SLC1A2: variants seen among roughly 807,000 people sequenced by gnomAD.
SLC1A2 encodes the protein excitatory amino acid transporter 2.
Under a neutral mutation model 48.8 loss-of-function variants are expected in SLC1A2, and 15 were observed. That is an observed-to-expected ratio of 0.31 (90% CI 0.21 to 0.47). The LOEUF (loss-of-function observed/expected upper bound fraction) is 0.47. Among genes scored for constraint, SLC1A2 ranks in the 20% least tolerant of loss-of-function variants. The probability of loss-of-function intolerance (pLI) is 0.99; values close to 1 mark genes in which losing one functional copy is unlikely to be tolerated. For synonymous variants in SLC1A2, 279 were observed against 272.6 expected (o/e 1.02, Z -0.23); for missense variants, 502 against 730.5 (o/e 0.69, Z 3.61).
chr11:35,363,278 C>T (rs1853740515), intron 1 of SLC1A2, among the ~76,000 whole-genome samples: 1 of 152,106 alleles, frequency 6.6e-6, no homozygotes, highest in Admixed American at 6.6e-5. Context: ...CCCCAGATGA[C>T]AATTTTGGGG....
intron 1 of SLC1A2, chr11:35,322,915 C>T: frequency 1.6e-6 from 1 of 614,524 alleles, no homozygotes; most frequent in South Asian, 1.9e-5. Flanking sequence ...TTCCAACAGC[C>T]TGCAAATCCC....
intron 5 of SLC1A2, among the ~76,000 whole-genome samples, chr11:35,303,313 A>G (rs1267552869): frequency 5.3e-5 from 8 of 152,168 alleles, no homozygotes; most frequent in South Asian, 2.1e-4. Flanking sequence ...AAAAGAATCC[A>G]TCACTTGCAC....
intron 1 of SLC1A2, among the ~76,000 whole-genome samples, chr11:35,365,087 G>A (rs536139035): frequency 2.4e-4 from 37 of 152,230 alleles, no homozygotes; most frequent in Non-Finnish European, 5.0e-4. Flanking sequence ...GAGATGTTAA[G>A]TGACAAATCC....
chr11:35,268,369 T>C (rs906191952), intron 9 of SLC1A2, among the ~76,000 whole-genome samples: 6 of 152,196 alleles, frequency 3.9e-5, no homozygotes, highest in Non-Finnish European at 5.9e-5. Flanking sequence ...ATATCACACT[T>C]ACTATGTATA....
At chr11:35,346,983 T>C (rs995717460) in intron 1 of SLC1A2, among the ~76,000 whole-genome samples, 1 of 152,192 alleles carries the variant, frequency 6.6e-6, no homozygotes, top group Non-Finnish European at 1.5e-5. Flanking sequence ...ATGGTGGAAG[T>C]GCTTCAGTGC....
intron 1 of SLC1A2, among the ~76,000 whole-genome samples, chr11:35,355,746 A>T (rs1292912579): frequency 6.6e-6 from 1 of 152,154 alleles, no homozygotes; most frequent in Non-Finnish European, 1.5e-5. Flanking sequence ...TTAGCTGGGC[A>T]TAGTGGCATG....
intron 1 of SLC1A2, among the ~76,000 whole-genome samples, chr11:35,375,507 G>A (rs549268196): frequency 1.3e-5 from 2 of 152,114 alleles, no homozygotes; most frequent in East Asian, 3.9e-4. Flanking sequence ...CAGGTTGCAG[G>A]ATGTGGGTGG....
intron 1 of SLC1A2, among the ~76,000 whole-genome samples, chr11:35,390,021 C>G (rs1055581910): frequency 2.0e-5 from 3 of 152,196 alleles, no homozygotes; most frequent in African/African-American, 7.2e-5. Context: ...AAGTTTGAAA[C>G]TTTGATTTGT....
intron 1 of SLC1A2, among the ~76,000 whole-genome samples, chr11:35,334,341 A>G (rs114987935): frequency 0.056 from 8,514 of 152,282 alleles, 356 homozygotes; most frequent in African/African-American, 0.12. Context: ...ATCATTGTAC[A>G]GATGGGAGCT....
chr11:35,303,794 G>A (rs1651364419), intron 5 of SLC1A2, among the ~76,000 whole-genome samples: 1 of 131,678 alleles, frequency 7.6e-6, no homozygotes, highest in Non-Finnish European at 1.7e-5. Context: ...AGGTTTTTTA[G>A]GAGAGAAATG....
rs1314771892 is a variant in SLC1A2, at chr11:35,317,995, TA to T, written c.18-480del. Among the ~76,000 whole-genome samples the T allele has an allele frequency of 1.2e-4, 18 of 152,346 alleles. 1 individual carries two copies. Among genetic ancestry groups the T allele is most frequent in the Admixed American group, 1.2e-3 (18 of 15,304 alleles). ...CTCAAGCCTTCCCCATCCTGACATG[TA>T]AACGTCACAAACACTGATCATCCAA... On this transcript the variant is annotated intron_variant, in intron 1 of 10. Transcript: ENST00000278379.
chr11:35,257,398 G>A lies in SLC1A2; in HGVS notation c.*3496C>T, dbSNP rs1296059810. 1.3e-5 allele frequency: 2 copies of A among 152,100 alleles called. No homozygotes were observed. The highest frequency in any genetic ancestry group is 1.5e-5 in the Non-Finnish European group (1 of 68,022). The allele number at this position is 152,100 out of a possible 1,614,324, so 9.4% of individuals were successfully genotyped here. On this transcript the variant is annotated 3_prime_UTR_variant, in exon 11 of 11. Coordinates refer to ENST00000278379, the MANE Select transcript of SLC1A2 (RefSeq NM_004171.4). ...AGAAAGAAATATTTGTCTTTTACAG[G>A]GTATGGTAACTTCCGCAGACAGCAA...
intron 9 of SLC1A2, among the ~76,000 whole-genome samples, chr11:35,277,531 G>C (rs1044220851): frequency 6.6e-6 from 1 of 152,080 alleles, no homozygotes; most frequent in African/African-American, 2.4e-5. Flanking sequence ...AAAGGCATTT[G>C]TATTATAATG....
intron 1 of SLC1A2, among the ~76,000 whole-genome samples, chr11:35,349,235 G>T (rs1445855667): frequency 1.3e-5 from 2 of 152,130 alleles, no homozygotes; most frequent in Non-Finnish European, 2.9e-5. Flanking sequence ...TGAGATCAGG[G>T]TAAAAACCAG....
At chr11:35,287,820 G>T (rs1023486508) in intron 7 of SLC1A2, among the ~76,000 whole-genome samples, 2 of 152,186 alleles carry the variant, frequency 1.3e-5, no homozygotes, top group East Asian at 3.8e-4. Flanking sequence ...GCCTGGGAGG[G>T]TGAGTGGATT....
At chr11:35,375,038 C>A (rs1295435879) in intron 1 of SLC1A2, among the ~76,000 whole-genome samples, 2 of 152,180 alleles carry the variant, frequency 1.3e-5, no homozygotes. Context: ...CATATAGCAA[C>A]ATTGTTTCAC....
intron 1 of SLC1A2, among the ~76,000 whole-genome samples, chr11:35,361,008 T>G (rs1210602823): frequency 6.6e-6 from 1 of 152,130 alleles, no homozygotes; most frequent in Non-Finnish European, 1.5e-5. Context: ...CCTGAGTAGC[T>G]GGGACTACAG....
At chr11:35,328,993 A>G (rs922150954) in intron 1 of SLC1A2, among the ~76,000 whole-genome samples, 3 of 152,250 alleles carry the variant, frequency 2.0e-5, no homozygotes, top group Non-Finnish European at 2.9e-5. Flanking sequence ...AAAACTTGGA[A>G]GCAACCTAGA....
At chr11:35,420,414 G>C (rs1855757418), upstream of SLC1A2, 1 of 152,244 alleles carries the variant, frequency 6.6e-6, no homozygotes, top group Non-Finnish European at 1.5e-5. Flanking sequence ...CCCACTACTT[G>C]CCGACCCTGT....
Sources: allele counts gnomAD v4.1 joint callset (sites outside exome capture counted in the v4.1 genomes callset), GRCh38; gene constraint gnomAD v4.1.1; transcripts MANE v1.5; gene names NCBI Gene and HGNC (gene_info 2026-07-23, HGNC 2026-07-21).